The following SIPA1L2 variants were observed in gnomAD, a reference collection of about 807,000 sequenced individuals.
SIPA1L2 encodes signal induced proliferation associated 1 like 2, also known as signal-induced proliferation-associated 1-like protein 2.
SIPA1L2 carries 56 observed loss-of-function variants against 163.9 expected under a neutral mutation model. The ratio of observed to expected loss-of-function variants is 0.34; its 90% CI spans 0.28 to 0.43. SIPA1L2 has a LOEUF of 0.43. Ranked by LOEUF, SIPA1L2 falls within the 20% of genes least tolerant of loss-of-function variation. SIPA1L2 has a pLI of 1.00. For synonymous variants in SIPA1L2, 877 were observed against 865.7 expected, an observed-to-expected ratio of 1.01 and a Z score of -0.23; for missense variants, 1,974 against 2,193.5, an observed-to-expected ratio of 0.90 and a Z score of 2.00.
chr1:232,560,632 C>A (rs1658977765), intron 2 of SIPA1L2, among the ~76,000 whole-genome samples: 1 of 152,202 alleles, frequency 6.6e-6, no homozygotes, highest in African/African-American at 2.4e-5. Flanking sequence ...ATGTGGGAGG[C>A]AGGCCCAGAG....
chr1:232,533,188 C>G (rs1163512338), intron 2 of SIPA1L2, among the ~76,000 whole-genome samples: 4 of 152,102 alleles, frequency 2.6e-5, no homozygotes. Context: ...GTGGGGCCCC[C>G]AGACAGTTTT....
At position 232,604,342 on chromosome 1, in the gene SIPA1L2, G is replaced by A. The variant is rs73099512; in HGVS notation, c.-319+25527C>T. ...TGTTGTATTCATTTCCTTTCCAGCCGCCTCCTCTCACTCTGCTCCAGTGTA... is the reference window on the plus strand; with the variant it reads ...TGTTGTATTCATTTCCTTTCCAGCCACCTCCTCTCACTCTGCTCCAGTGTA... On this transcript the variant is annotated intron_variant, in intron 1 of 22. Transcript: ENST00000674635. Among the ~76,000 whole-genome samples, 1,387 of 152,054 alleles carry A rather than the reference G, an allele frequency of 9.1e-3. 23 individuals are homozygous for A. Among genetic ancestry groups the A allele is most frequent in the African/African-American group, 0.03 (1,256 of 41,474 alleles).
chr1:232,434,217 A>T (rs1287634900), intron 15 of SIPA1L2, among the ~76,000 whole-genome samples: 4 of 152,200 alleles, frequency 2.6e-5, no homozygotes, highest in Admixed American at 6.5e-5. Flanking sequence ...AAGTCTCATA[A>T]AAGACGAATA....
chr1:232,522,188 C>T (rs1405916298), intron 2 of SIPA1L2, among the ~76,000 whole-genome samples: 1 of 152,120 alleles, frequency 6.6e-6, no homozygotes, highest in Non-Finnish European at 1.5e-5. Context: ...ATAATGAAAC[C>T]CTTCAACAGT....
chr1:232,552,041 T>C (rs1183787582), intron 2 of SIPA1L2, among the ~76,000 whole-genome samples: 1 of 152,108 alleles, frequency 6.6e-6, no homozygotes, highest in Non-Finnish European at 1.5e-5. Context: ...GGTTTCACCA[T>C]GTTGGCCAGG....
At chr1:232,407,063 A>G (rs952741039) in intron 19 of SIPA1L2, among the ~76,000 whole-genome samples, 1 of 152,246 alleles carries the variant, frequency 6.6e-6, no homozygotes, top group African/African-American at 2.4e-5. Flanking sequence ...AGACTTTTGG[A>G]AGCCCATCCA....
chr1:232,483,815 T>C lies in SIPA1L2; in HGVS notation c.1958A>G (p.Tyr653Cys), dbSNP rs1215041316. The C allele has an allele frequency of 6.2e-7, 1 of 1,614,034 alleles. No individual in the cohort carries two copies. Among genetic ancestry groups the C allele is most frequent in the Admixed American group, 1.7e-5 (1 of 60,020 alleles). The change falls in exon 6 of 23, where the codon TAT becomes TGT. Residue 653 changes from tyrosine (Y) to cysteine (C), a missense_variant. By Grantham distance (194) the Tyr-to-Cys change is radical. Around this residue, in one of 3 missense-constraint regions of SIPA1L2, gnomAD observed 288 missense variants for 418.9 expected, o/e 0.69. Transcript: ENST00000674635. The stretch of plus-strand genomic sequence containing the variant: ...ACTCTTATTGTCTAGCTGAGCTCGA[T>C]ATTTACTAAATCCTTTCAGTCGGAC... ...QRVRLKGFSKYRAQLDNKTDS... is the reference protein window; with the variant it reads ...QRVRLKGFSKCRAQLDNKTDS...
chr1:232,440,813 C>T (rs1222111657), intron 14 of SIPA1L2, among the ~76,000 whole-genome samples: 1 of 152,200 alleles, frequency 6.6e-6, no homozygotes, highest in Non-Finnish European at 1.5e-5. Flanking sequence ...GTACACATGG[C>T]AACACATGCA....
At chr1:232,597,754 GCC>G (rs1464267642) in intron 1 of SIPA1L2, among the ~76,000 whole-genome samples, 2 of 148,748 alleles carry the variant, frequency 1.3e-5, no homozygotes, top group African/African-American at 4.9e-5. Context: ...AATCACTCAG[GCC>G]CCTACTGTGA....
intron 3 of SIPA1L2, among the ~76,000 whole-genome samples, chr1:232,495,286 G>A (rs990634713): frequency 1.2e-4 from 18 of 152,118 alleles, no homozygotes; most frequent in African/African-American, 3.4e-4. Flanking sequence ...GGTGGGGGCC[G>A]GGCACGGTGG....
intron 15 of SIPA1L2, among the ~76,000 whole-genome samples, chr1:232,435,437 G>C (rs1452057277): frequency 2.0e-5 from 3 of 152,186 alleles, no homozygotes; most frequent in Non-Finnish European, 4.4e-5. Context: ...AGTGTTCTCT[G>C]ATGCTGATAA....
intron 1 of SIPA1L2, among the ~76,000 whole-genome samples, chr1:232,593,668 T>C (rs1573140110): frequency 6.6e-6 from 1 of 152,164 alleles, no homozygotes; most frequent in Non-Finnish European, 1.5e-5. Flanking sequence ...GTGGCCAGCA[T>C]TTTCCAACAA....
intron 2 of SIPA1L2, among the ~76,000 whole-genome samples, chr1:232,531,965 CG>C (rs1317515025): frequency 6.6e-6 from 1 of 152,102 alleles, no homozygotes; most frequent in African/African-American, 2.4e-5. Context: ...AGAAAGGTAG[CG>C]GGCTCAGATC....
chr1:232,535,270 T>G (rs961195572), intron 2 of SIPA1L2, among the ~76,000 whole-genome samples: 1 of 152,166 alleles, frequency 6.6e-6, no homozygotes, highest in African/African-American at 2.4e-5. Flanking sequence ...CTGTCATAAT[T>G]TAAAGTCTCT....
rs558382866 is a variant in SIPA1L2 at position 232,533,777 on chromosome 1, T to C, written c.-269-18169A>G. On this transcript the variant is annotated intron_variant, in intron 2 of 22. Transcript: ENST00000674635. ...AGACAAGAACACTTTGCTCAGAGAC[T>C]CCAAAGACACTTATCTAAAGCTGAA... 5.9e-5 allele frequency among the ~76,000 whole-genome samples: 9 copies of C among 152,128 alleles called. No homozygotes were observed. In the South Asian group the frequency reaches 1.5e-3, roughly 25 times the overall value.
intron 18 of SIPA1L2, among the ~76,000 whole-genome samples, chr1:232,422,167 A>G (rs1398165138): frequency 1.3e-5 from 2 of 152,326 alleles, no homozygotes; most frequent in African/African-American, 4.8e-5. Context: ...CCAATGACAA[A>G]AACAAAGGTC....
intron 10 of SIPA1L2, among the ~76,000 whole-genome samples, chr1:232,449,921 T>C (rs1239382805): frequency 6.6e-6 from 1 of 152,212 alleles, no homozygotes; most frequent in East Asian, 1.9e-4. Flanking sequence ...GTGAAAGTGA[T>C]TTCTAACTTG....
At chr1:232,523,698 T>C (rs1667556998) in intron 2 of SIPA1L2, among the ~76,000 whole-genome samples, 2 of 152,186 alleles carry the variant, frequency 1.3e-5, no homozygotes, top group African/African-American at 4.8e-5. Flanking sequence ...GAAAACATTC[T>C]GTTCTCACTA....
intron 1 of SIPA1L2, among the ~76,000 whole-genome samples, chr1:232,610,253 G>A (rs1388996620): frequency 2.6e-5 from 4 of 152,094 alleles, no homozygotes; most frequent in African/African-American, 7.2e-5. Flanking sequence ...GTGAGGGATT[G>A]GAAATTAAGG....
Sources: allele counts gnomAD v4.1 joint callset (sites outside exome capture counted in the v4.1 genomes callset), GRCh38; gene constraint gnomAD v4.1.1; regional missense constraint gnomAD v4.1.1; transcripts MANE v1.5; gene names NCBI Gene and HGNC (gene_info 2026-07-23, HGNC 2026-07-21).